GPC6: variants seen among roughly 807,000 people sequenced by gnomAD.
GPC6 encodes glypican-6.
GPC6 carries 14 observed loss-of-function variants against 55.2 expected under a neutral mutation model. That is an observed-to-expected ratio of 0.25 (90% CI 0.17 to 0.40). The LOEUF is 0.40. GPC6 is among the 10% of genes least tolerant of loss of function. The probability of loss-of-function intolerance (pLI) is 1.00; values close to 1 mark genes in which losing one functional copy is unlikely to be tolerated. For synonymous variants in GPC6, 278 were observed against 259.6 expected (o/e 1.07, Z -0.68); for missense variants, 641 against 708.5 (o/e 0.90, Z 1.08).
chr13:93,472,913 GC>G (rs1879174609), intron 1 of GPC6, among the ~76,000 whole-genome samples: 1 of 152,206 alleles, frequency 6.6e-6, no homozygotes, highest in Non-Finnish European at 1.5e-5. Flanking sequence ...TTAGCTCCTA[GC>G]AGAGAAGGTA....
intron 1 of GPC6, among the ~76,000 whole-genome samples, chr13:93,322,278 T>C (rs1879471499): frequency 6.6e-6 from 1 of 152,110 alleles, no homozygotes; most frequent in Non-Finnish European, 1.5e-5. Context: ...TAGTTATTTT[T>C]CCTGATCCTC....
chr13:94,048,010 T>C (rs9516335), intron 4 of GPC6, among the ~76,000 whole-genome samples: 22,426 of 151,948 alleles, frequency 0.15, 2,037 homozygotes, highest in East Asian at 0.36. Context: ...ACATTTTTTT[T>C]CTCTGGGAAA....
chr13:94,122,550 G>A (rs772790112), intron 4 of GPC6, among the ~76,000 whole-genome samples: 22 of 152,012 alleles, frequency 1.4e-4, no homozygotes, highest in African/African-American at 1.9e-4. Flanking sequence ...TCTGAGACTC[G>A]TTACAGGGCA....
At chr13:94,255,516 T>G (rs1267195163) in intron 4 of GPC6, among the ~76,000 whole-genome samples, 1 of 152,180 alleles carries the variant, frequency 6.6e-6, no homozygotes, top group African/African-American at 2.4e-5. Flanking sequence ...CTGAACTTCT[T>G]GAAATACTTG....
chr13:94,271,355 TAC>T (rs200714304), intron 4 of GPC6, among the ~76,000 whole-genome samples: 5,408 of 128,140 alleles, frequency 0.042, 144 homozygotes, highest in African/African-American at 0.087. Context: ...ACTTGTTAAA[TAC>T]ACACACACAC....
chr13:93,846,890 A>G (rs904552660), intron 3 of GPC6, among the ~76,000 whole-genome samples: 1 of 152,202 alleles, frequency 6.6e-6, no homozygotes, highest in African/African-American at 2.4e-5. Context: ...AGGAATTAGT[A>G]TGGAGATAAT....
intron 4 of GPC6, among the ~76,000 whole-genome samples, chr13:94,253,199 T>G (rs1891410319): frequency 6.6e-6 from 1 of 152,134 alleles, no homozygotes; most frequent in Non-Finnish European, 1.5e-5. Flanking sequence ...GAAAATTACT[T>G]TCCGATGCTC....
intron 4 of GPC6, among the ~76,000 whole-genome samples, chr13:94,185,275 A>G (rs1278106147): frequency 6.6e-6 from 1 of 151,004 alleles, no homozygotes; most frequent in Non-Finnish European, 1.5e-5. Context: ...AAAAAAAAAA[A>G]GAAGCCATTG....
intron 4 of GPC6, among the ~76,000 whole-genome samples, chr13:94,237,348 C>G (rs1890909899): frequency 6.6e-6 from 1 of 152,094 alleles, no homozygotes; most frequent in South Asian, 2.1e-4. Flanking sequence ...TCCTTCTCCT[C>G]TTCCTTCCAT....
chr13:94,289,449 G>C (rs1346884694), intron 5 of GPC6, among the ~76,000 whole-genome samples: 1 of 152,116 alleles, frequency 6.6e-6, no homozygotes, highest in East Asian at 1.9e-4. Context: ...TGGGAGGCCA[G>C]CTTCAAGTTT....
chr13:93,996,335 T>C (rs1881553299), intron 3 of GPC6, among the ~76,000 whole-genome samples: 1 of 152,220 alleles, frequency 6.6e-6, no homozygotes, highest in Non-Finnish European at 1.5e-5. Flanking sequence ...GCTACTTCAT[T>C]GTGTGGTTTG....
chr13:93,380,807 T>G (rs1241041126), intron 1 of GPC6, among the ~76,000 whole-genome samples: 1 of 152,168 alleles, frequency 6.6e-6, no homozygotes, highest in African/African-American at 2.4e-5. Flanking sequence ...CTCATTGTCT[T>G]AGATTGACTC....
At chr13:94,088,159 C>T (rs1340980375) in intron 4 of GPC6, among the ~76,000 whole-genome samples, 1 of 152,082 alleles carries the variant, frequency 6.6e-6, no homozygotes, top group Non-Finnish European at 1.5e-5. Context: ...GTCTGTATTT[C>T]CCCTAGGAGC....
intron 3 of GPC6, among the ~76,000 whole-genome samples, chr13:93,918,174 C>G (rs1004306263): frequency 9.2e-5 from 14 of 151,806 alleles, no homozygotes; most frequent in African/African-American, 2.7e-4. Flanking sequence ...GATAGGCCAT[C>G]ATAAGTTCAT....
At position 93,490,399 on chromosome 13, in the gene GPC6, G is replaced by A. The variant is rs1410331725; in HGVS notation, c.161-54864G>A. Among the ~76,000 whole-genome samples the A allele has an allele frequency of 2.2e-5, 3 of 135,708 alleles. No individual in the cohort carries two copies. The Admixed American group carries it at 2.3e-4, about 11-fold the overall frequency. 89.0% of individuals were successfully genotyped at this position (135,708 alleles called of 152,430 possible). A position where few individuals can be genotyped will look rare whatever the true frequency, so the allele number is the denominator to read the frequency against. On this transcript the variant is annotated intron_variant, in intron 1 of 8. Transcript: ENST00000377047. ...ATAAAATCTATAACATATATATGAT[G>A]TACTTACATATACACACTATTTTTA...
At chr13:93,321,046 C>CTG (rs1879420328) in intron 1 of GPC6, among the ~76,000 whole-genome samples, 1 of 152,076 alleles carries the variant, frequency 6.6e-6, no homozygotes, top group African/African-American at 2.4e-5. Context: ...TCCAGGTCAG[C>CTG]ATCTAGTCTA....
At chr13:93,827,632 G>T (rs964408196) in intron 2 of GPC6, among the ~76,000 whole-genome samples, 3 of 152,112 alleles carry the variant, frequency 2.0e-5, no homozygotes, top group Non-Finnish European at 2.9e-5. Context: ...TGACTTTGAG[G>T]ATCAGTGAAG....
intron 3 of GPC6, among the ~76,000 whole-genome samples, chr13:93,915,420 C>A (rs1240162086): frequency 4.6e-5 from 7 of 152,188 alleles, no homozygotes; most frequent in Non-Finnish European, 8.8e-5. Context: ...TTTATCACAC[C>A]TCCACTGCCT....
chr13:94,375,513 C>T (rs1193745528), intron 6 of GPC6, among the ~76,000 whole-genome samples: 1 of 152,108 alleles, frequency 6.6e-6, no homozygotes, highest in African/African-American at 2.4e-5. Context: ...AATTGAATCT[C>T]TGAATAGACC....
Sources: allele counts gnomAD v4.1 joint callset (sites outside exome capture counted in the v4.1 genomes callset), GRCh38; gene constraint gnomAD v4.1.1; transcripts MANE v1.5; gene names NCBI Gene and HGNC (gene_info 2026-07-23, HGNC 2026-07-21).